Variants in SUMF2 observed in about 807,000 individuals in gnomAD.
The protein encoded by SUMF2 is inactive C-alpha-formylglycine-generating enzyme 2.
In SUMF2, 45 loss-of-function variants were observed where a neutral mutation model predicts 44.8. That is an observed-to-expected ratio of 1.00 (90% CI 0.79 to 1.29). SUMF2 has a LOEUF of 1.29. Ranked by LOEUF, SUMF2 falls within the 50% of genes most tolerant of loss-of-function variation. The pLI, the probability that SUMF2 is intolerant of heterozygous loss-of-function variation, is 0.00. For missense variants in SUMF2, 418 were observed against 389.9 expected, an observed-to-expected ratio of 1.07 and a Z score of -0.61; for synonymous variants, 148 against 150.4, an observed-to-expected ratio of 0.98 and a Z score of 0.12.
At chr7:56,083,120 A>AG (rs1203574848), downstream of SUMF2, 10 of 642,330 alleles carry the variant, frequency 1.6e-5, no homozygotes, top group Non-Finnish European at 2.6e-5. Flanking sequence ...AAAAAAAAAA[A>AG]GAAAGAAAAA....
intron 1 of SUMF2, among the ~76,000 whole-genome samples, chr7:56,066,510 G>C (rs560659517): frequency 2.9e-4 from 44 of 152,140 alleles, no homozygotes; most frequent in East Asian, 2.1e-3. Context: ...GCAGTGGCGC[G>C]ATCTTGGTTC....
chr7:56,087,679 G>A, the SUMF2 span: 1 of 1,613,994 alleles, frequency 6.2e-7, no homozygotes, highest in Non-Finnish European at 8.5e-7. Flanking sequence ...ACCTCCTCCG[G>A]GCTGAAGCTG....
At chr7:56,081,100 T>C, downstream of SUMF2, 1 of 1,613,294 alleles carries the variant, frequency 6.2e-7, no homozygotes, top group Middle Eastern at 1.8e-4. The surrounding 1 kb of genome is among the most constrained non-coding windows in gnomAD (Gnocchi z 4.6). Flanking sequence ...CTTGGGTGTG[T>C]TCTCGAAAAG....
Position 56,068,496 on chromosome 7 carries a change from A to C in SUMF2, c.82A>C (p.Thr28Pro), listed in dbSNP as rs757509655. 1.9e-6 allele frequency: 3 copies of C among 1,612,358 alleles called. No homozygotes were observed. Among genetic ancestry groups the C allele is most frequent in the Middle Eastern group, 1.7e-4 (1 of 6,060 alleles). Residue 28 changes from threonine (T) to proline (P), a missense_variant, in exon 2 of 9, where the codon ACT (threonine) becomes CCT (proline). Coordinates refer to ENST00000434526, the MANE Select transcript of SUMF2 (RefSeq NM_015411.4). ...AWLKLGNGQATSMVQLQGGRF... is the reference protein window; with the variant it reads ...AWLKLGNGQAPSMVQLQGGRF... ...TTTCTCTGCAGGAAATGGACAGGCT[A>C]CTAGCATGGTCCAACTGCAGGGTGG...
downstream of SUMF2, chr7:56,081,549 G>C: frequency 6.6e-7 from 1 of 1,507,558 alleles, no homozygotes; most frequent in Non-Finnish European, 9.1e-7. The surrounding 1 kb of genome is among the most constrained non-coding windows in gnomAD (Gnocchi z 4.6). Flanking sequence ...AATTCACGGG[G>C]TGTAAGGACT....
At chr7:56,083,120 A>G (rs1305679990), downstream of SUMF2, 2 of 642,442 alleles carry the variant, frequency 3.1e-6, no homozygotes, top group Non-Finnish European at 5.2e-6. Context: ...AAAAAAAAAA[A>G]GAAAGAAAAA....
intron 5 of SUMF2, among the ~76,000 whole-genome samples, chr7:56,075,071 C>T (rs1485231029): frequency 6.6e-6 from 1 of 152,002 alleles, no homozygotes; most frequent in East Asian, 1.9e-4. Flanking sequence ...GCTGTCTGGC[C>T]TGAGTGACAG....
chr7:56,065,106 G>T (rs1794683370), intron 1 of SUMF2, among the ~76,000 whole-genome samples: 1 of 149,472 alleles, frequency 6.7e-6, no homozygotes, highest in South Asian at 2.1e-4. Flanking sequence ...GCAGGAGAAT[G>T]GCGTGAACCC....
At chr7:56,065,786 A>G (rs1465470910) in intron 1 of SUMF2, among the ~76,000 whole-genome samples, 1 of 152,032 alleles carries the variant, frequency 6.6e-6, no homozygotes, top group Non-Finnish European at 1.5e-5. Flanking sequence ...ATATTTGTGA[A>G]AGAAACTGAA....
chr7:56,072,472 C>T (rs889712579), intron 2 of SUMF2, among the ~76,000 whole-genome samples: 2 of 151,160 alleles, frequency 1.3e-5, no homozygotes, highest in Non-Finnish European at 2.9e-5. Context: ...CGCCTGTAAT[C>T]TCAGCCCTTT....
chr7:56,084,341 A>G (rs1263477863), downstream of SUMF2: 4 of 644,518 alleles, frequency 6.2e-6, no homozygotes, highest in Non-Finnish European at 8.0e-6. Flanking sequence ...AGGACCCCAG[A>G]CCCAGATCAG....
intron 2 of SUMF2, among the ~76,000 whole-genome samples, chr7:56,069,631 T>C (rs1433945210): frequency 6.6e-6 from 1 of 152,114 alleles, no homozygotes; most frequent in Admixed American, 6.6e-5. Flanking sequence ...AGACAGGGTC[T>C]GGCTCTGTCA....
chr7:56,076,188 G>A (rs1795536217), intron 5 of SUMF2, among the ~76,000 whole-genome samples: 1 of 152,042 alleles, frequency 6.6e-6, no homozygotes, highest in Non-Finnish European at 1.5e-5. Flanking sequence ...CACCTCGCCC[G>A]GCTAATTTTT....
At chr7:56,069,738 C>T (rs1433691564) in intron 2 of SUMF2, among the ~76,000 whole-genome samples, 2 of 151,902 alleles carry the variant, frequency 1.3e-5, no homozygotes, top group African/African-American at 4.8e-5. Flanking sequence ...CACTATCACA[C>T]CCAGCTTATT....
At position 56,075,798 on chromosome 7, in the gene SUMF2, G is replaced by A. The variant is rs566196330; in HGVS notation, c.536-1036G>A. Among the ~76,000 whole-genome samples, 5 of 151,968 alleles carry A rather than the reference G, an allele frequency of 3.3e-5. No homozygotes were observed. In the South Asian group the frequency reaches 8.3e-4, roughly 25 times the overall value. ...AGTTAGGACAGCAAAAAGCAACTCCGCACATTAAACCCCTCTACACAATCT... is the reference window on the plus strand; with the variant it reads ...AGTTAGGACAGCAAAAAGCAACTCCACACATTAAACCCCTCTACACAATCT... On this transcript the variant is annotated intron_variant, in intron 5 of 8. Coordinates refer to ENST00000434526, the MANE Select transcript of SUMF2 (RefSeq NM_015411.4).
At chr7:56,083,268 G>A (rs369952990), downstream of SUMF2, 14 of 1,613,504 alleles carry the variant, frequency 8.7e-6, no homozygotes, top group African/African-American at 1.9e-4. Flanking sequence ...CCAAGGCCAT[G>A]TTACCAGACC....
In SUMF2 at chr7:56,064,369, C is replaced by T. The variant is rs756307121; in HGVS notation, c.58C>T (p.Leu20Phe). ...GCTGTCGCTCCTGGTCGGCGCGTGG[C>T]TCAAGCTAGGTCAGTGAACCGGCCG... ...PLLSLLVGAW[L>F]KLGNGQATSM... Residue 20 changes from leucine (L) to phenylalanine (F), a missense_variant, in exon 1 of 9, where the codon CTC (leucine) becomes TTC (phenylalanine). Physicochemically the swap from Leu to Phe is conservative, Grantham distance 22 (BLOSUM62 0). Coordinates refer to ENST00000434526, the MANE Select transcript of SUMF2 (RefSeq NM_015411.4). 7.5e-5 allele frequency: 121 copies of T among 1,604,256 alleles called. 1 individual carries two copies. The Admixed American group carries it at 2.0e-3, about 27-fold the overall frequency.
chr7:56,085,436 G>A (rs1796210607), downstream of SUMF2, among the ~76,000 whole-genome samples: 1 of 152,152 alleles, frequency 6.6e-6, no homozygotes, highest in African/African-American at 2.4e-5. Flanking sequence ...AGAGCACTTT[G>A]TATTGTTCAC....
At chr7:56,081,931 G>A (rs1796019096), downstream of SUMF2, 2 of 1,613,618 alleles carry the variant, frequency 1.2e-6, no homozygotes, top group Middle Eastern at 1.6e-4. The surrounding 1 kb of genome is among the most constrained non-coding windows in gnomAD (Gnocchi z 4.6). Flanking sequence ...TCCCACTCGG[G>A]CGAGCCAAAC....
Sources: gnomAD v4.1 joint callset for allele counts (sites outside exome capture counted in the v4.1 genomes callset) on GRCh38, gnomAD v4.1.1 for gene constraint, Gnocchi (gnomAD v3.1) non-coding constraint, MANE v1.5 for transcripts, NCBI Gene and HGNC (gene_info 2026-07-23, HGNC 2026-07-21) for gene names.